The following AKAP6 variants were observed in gnomAD, a reference collection of about 807,000 sequenced individuals.
AKAP6 encodes A-kinase anchor protein 6.
In AKAP6, 58 loss-of-function variants were observed where a neutral mutation model predicts 188.5. That is an observed-to-expected ratio of 0.31 (90% confidence interval 0.25 to 0.38). The LOEUF is 0.38. Among genes scored for constraint, AKAP6 ranks in the 10% least tolerant of loss-of-function variants. The pLI, the probability that AKAP6 is intolerant of heterozygous loss-of-function variation, is 1.00. For synonymous variants in AKAP6, 989 were observed against 998.6 expected, an observed-to-expected ratio of 0.99 and a Z score of 0.18; for missense variants, 2,710 against 2,740.0, an observed-to-expected ratio of 0.99 and a Z score of 0.24.
At chr14:32,678,488 T>A in intron 8 of AKAP6, 29 bp downstream of exon 8, 1 of 1,611,042 alleles carries the variant, frequency 6.2e-7, no homozygotes, top group Non-Finnish European at 8.5e-7. Flanking sequence ...TGTTGTTTTA[T>A]TCTCACTAAT....
At chr14:32,413,447 G>T (rs561351486) in intron 1 of AKAP6, among the ~76,000 whole-genome samples, 1 of 152,024 alleles carries the variant, frequency 6.6e-6, no homozygotes, top group Admixed American at 6.6e-5. Flanking sequence ...CTTCCAAAGC[G>T]CTGGGGTTAT....
intron 4 of AKAP6, among the ~76,000 whole-genome samples, chr14:32,573,637 T>C (rs1057283806): frequency 6.6e-6 from 1 of 152,222 alleles, no homozygotes; most frequent in African/African-American, 2.4e-5. Flanking sequence ...TTTTCACACA[T>C]AGAAGGCACT....
chr14:32,416,559 T>A (rs1464329595), intron 1 of AKAP6, among the ~76,000 whole-genome samples: 1 of 152,184 alleles, frequency 6.6e-6, no homozygotes, highest in Non-Finnish European at 1.5e-5. Context: ...CTATTTATTC[T>A]TTTTCCTTTT....
rs533577792 is a variant in AKAP6 at position 32,599,456 on chromosome 14, T to C, written c.2516T>C (p.Val839Ala). 65 of 1,613,534 alleles carry C rather than the reference T, an allele frequency of 4.0e-5. No individual in the cohort carries two copies. The East Asian group carries it at 1.3e-3, about 33-fold the overall frequency. Reference sequence around the variant, plus strand: ...AGTCATTGTGCTCTCAAGGAAGCTGTGGAGGAGGAAGGACACCAACTTCTT... The same window carrying C: ...AGTCATTGTGCTCTCAAGGAAGCTGCGGAGGAGGAAGGACACCAACTTCTT... ...VDSHCALKEA[V>A]EEEGHQLLEL... is the part of the protein sequence containing the mutation. Residue 839 changes from valine to alanine, a missense_variant, in exon 6 of 14, where the codon GTG becomes GCG. This residue lies in a region of AKAP6 where 2,473 missense variants were observed against 2,426.1 expected (regional missense o/e 1.02). Coordinates refer to ENST00000280979, the MANE Select transcript of AKAP6 (RefSeq NM_004274.5).
At chr14:32,487,338 G>A (rs576966542) in intron 2 of AKAP6, among the ~76,000 whole-genome samples, 3 of 152,342 alleles carry the variant, frequency 2.0e-5, no homozygotes, top group South Asian at 4.1e-4. Flanking sequence ...CTCATAAAAT[G>A]AGGTATGGAG....
chr14:32,610,639 A>G (rs762979916), intron 7 of AKAP6, among the ~76,000 whole-genome samples: 3 of 152,218 alleles, frequency 2.0e-5, no homozygotes, highest in Admixed American at 1.3e-4. Context: ...GGAAGGCCTA[A>G]GAGAAGATGG....
At chr14:32,478,763 A>T (rs942849366) in intron 2 of AKAP6, among the ~76,000 whole-genome samples, 8 of 152,140 alleles carry the variant, frequency 5.3e-5, no homozygotes, top group Non-Finnish European at 7.3e-5. Flanking sequence ...GGAAATGGGG[A>T]TGGATAGAGA....
rs1888639383 is a variant in AKAP6 at position 32,389,510 on chromosome 14, T to C, written c.-34-43950T>C. ...CAGGATTTGTTTCAAGATTTGGAGCTCCTTTTGGCAGTTCTTGTAGTGGTG... is the reference window on the plus strand; with the variant it reads ...CAGGATTTGTTTCAAGATTTGGAGCCCCTTTTGGCAGTTCTTGTAGTGGTG... On this transcript the variant is annotated intron_variant, in intron 1 of 13. Transcript: ENST00000280979. Among the ~76,000 whole-genome samples, 4 of 152,274 alleles carry C rather than the reference T, an allele frequency of 2.6e-5. No individual in the cohort carries two copies. In the South Asian group the frequency reaches 8.3e-4, roughly 32 times the overall value.
At chr14:32,489,820 T>A (rs1449969451) in intron 2 of AKAP6, among the ~76,000 whole-genome samples, 1 of 152,232 alleles carries the variant, frequency 6.6e-6, no homozygotes, top group Non-Finnish European at 1.5e-5. Context: ...TCATGCCACA[T>A]ATATTCTTTT....
intron 1 of AKAP6, among the ~76,000 whole-genome samples, chr14:32,337,597 G>A (rs1886749277): frequency 6.6e-6 from 1 of 151,862 alleles, no homozygotes; most frequent in South Asian, 2.1e-4. Context: ...TATACTTTAA[G>A]TTTTAGGGTA....
In AKAP6 at chr14:32,559,774, A is replaced by G. The variant is rs934400461; in HGVS notation, c.2346+12775A>G. The stretch of plus-strand genomic sequence containing the variant: ...AGTTGCGGTTGGGAGGTAGTCCTCT[A>G]AGCCTAATCTTTTTTTTTTTTTTTT... On this transcript the variant is annotated intron_variant, in intron 4 of 13. Coordinates refer to ENST00000280979, the MANE Select transcript of AKAP6 (RefSeq NM_004274.5). Among the ~76,000 whole-genome samples the G allele has an allele frequency of 1.3e-4, 19 of 148,766 alleles. 1 individual carries two copies. Among genetic ancestry groups the G allele is most frequent in the South Asian group, 2.1e-4 (1 of 4,754 alleles).
chr14:32,453,600 T>C (rs1385135212), intron 2 of AKAP6, among the ~76,000 whole-genome samples: 804 of 32,490 alleles, frequency 0.025, 69 homozygotes, highest in African/African-American at 0.15. Context: ...TTTTTTTTTT[T>C]TTTTTTTTTT....
intron 1 of AKAP6, among the ~76,000 whole-genome samples, chr14:32,342,347 G>T (rs1428540278): frequency 6.6e-6 from 1 of 152,176 alleles, no homozygotes; most frequent in South Asian, 2.1e-4. Flanking sequence ...TTAGGGTGGA[G>T]ACTGGGAGTC....
chr14:32,641,484 AAAAAG>A lies in AKAP6; in HGVS notation c.2731-36808_2731-36804del, dbSNP rs1187404612. On this transcript the variant is annotated intron_variant, in intron 7 of 13. Coordinates refer to ENST00000280979, the MANE Select transcript of AKAP6 (RefSeq NM_004274.5). ...GAAACCCTGCTAAAAAAAAAAAAAA[AAAAAG>A]AAAAGAAAAGAAAAGAAATTTTCTT... Among the ~76,000 whole-genome samples, 13 of 151,036 alleles carry A rather than the reference AAAAAG, an allele frequency of 8.6e-5. No individual in the cohort carries two copies. The South Asian group carries it at 1.0e-3, about 12-fold the overall frequency.
At chr14:32,581,439 A>G (rs7493391) in intron 5 of AKAP6, among the ~76,000 whole-genome samples, 113,681 of 151,892 alleles carry the variant, frequency 0.75, 43,076 homozygotes, top group East Asian at 0.96. Flanking sequence ...TGGAGTAGGT[A>G]TGGTGTGGTG....
chr14:32,422,805 C>A (rs965546635), intron 1 of AKAP6, among the ~76,000 whole-genome samples: 3 of 152,120 alleles, frequency 2.0e-5, no homozygotes, highest in African/African-American at 7.2e-5. Flanking sequence ...GGCAAAGGCC[C>A]AACTTTTCTT....
intron 12 of AKAP6, among the ~76,000 whole-genome samples, chr14:32,782,927 T>C (rs2033296621): frequency 6.6e-6 from 1 of 151,938 alleles, no homozygotes; most frequent in Non-Finnish European, 1.5e-5. Flanking sequence ...CATTTGGAAA[T>C]GCAAAGGACA....
At chr14:32,597,839 C>G (rs1454628966) in intron 5 of AKAP6, among the ~76,000 whole-genome samples, 1 of 152,154 alleles carries the variant, frequency 6.6e-6, no homozygotes, top group African/African-American at 2.4e-5. Context: ...AAGGCTTGAT[C>G]TGCATATCTC....
At chr14:32,424,356 T>G (rs929020529) in intron 1 of AKAP6, among the ~76,000 whole-genome samples, 21 of 152,034 alleles carry the variant, frequency 1.4e-4, no homozygotes, top group Non-Finnish European at 4.4e-5. Context: ...CAACACTCAA[T>G]TATCTGCTGA....
Sources: allele counts gnomAD v4.1 joint callset (sites outside exome capture counted in the v4.1 genomes callset), GRCh38; gene constraint gnomAD v4.1.1; regional missense constraint gnomAD v4.1.1; transcripts MANE v1.5; gene names NCBI Gene and HGNC (gene_info 2026-07-23, HGNC 2026-07-21).